The following EML3 variants were observed in gnomAD, a reference collection of about 807,000 sequenced individuals.
The protein encoded by EML3 is echinoderm microtubule-associated protein-like 3.
EML3 carries 53 observed loss-of-function variants against 106.7 expected under a neutral mutation model. That is an observed-to-expected ratio of 0.50 (90% CI 0.40 to 0.62). EML3 has a LOEUF of 0.62. Ranked by LOEUF, EML3 falls within the 20% of genes least tolerant of loss-of-function variation. The pLI, the probability that EML3 is intolerant of heterozygous loss-of-function variation, is 0.00. For synonymous variants in EML3, 499 were observed against 489.6 expected, an observed-to-expected ratio of 1.02 and a Z score of -0.25; for missense variants, 994 against 1,209.1, an observed-to-expected ratio of 0.82 and a Z score of 2.64.
chr11:62,608,326 G>C, intron 9 of EML3, 30 bp from the exon 10 acceptor site: 1 of 1,600,580 alleles, frequency 6.2e-7, no homozygotes, highest in Non-Finnish European at 8.6e-7. Flanking sequence ...AGGAGGTGCA[G>C]AGTGAACCCT....
chr11:62,609,355 C>A lies in EML3; in HGVS notation c.757G>T (p.Val253Phe). Residue 253 changes from valine to phenylalanine, a missense_variant and splice_region_variant, in exon 6 of 22, where the codon GTT becomes TTT. Coordinates refer to ENST00000394773, the MANE Select transcript of EML3 (RefSeq NM_153265.3). The part of the protein sequence containing the change: ...PPPETLSLDW[V>F]YGYRGRDSRS... ...ATGGGACTGGAAGGGGCAGGATACA[C>A]CCAGTCAAGGCTGAGGGTCTCTGGC... 2 of 1,570,236 alleles carry A rather than the reference C, an allele frequency of 1.3e-6. No homozygotes were observed. The highest frequency in any genetic ancestry group is 1.7e-6 in the Non-Finnish European group (2 of 1,158,138).
In EML3 at chr11:62,612,639, G is replaced by A. The variant is rs1590767014; in HGVS notation, c.-182C>T. The A allele has an allele frequency of 6.0e-6, 3 of 502,524 alleles. No individual in the cohort carries two copies. The highest frequency in any genetic ancestry group is 7.6e-5 in the East Asian group (2 of 26,208). 31.1% of individuals were successfully genotyped at this position (502,524 alleles called of 1,614,324 possible). On this transcript the variant is annotated 5_prime_UTR_variant, in exon 1 of 22. Coordinates refer to ENST00000394773, the MANE Select transcript of EML3 (RefSeq NM_153265.3). The stretch of plus-strand genomic sequence containing the variant: ...CTGGAGGGGGCGCTGTGGGCCCGGG[G>A]CCGCAGTCTCCAGACCCCCCCGGGC...
At position 62,611,113 on chromosome 11, in the gene EML3, G is replaced by A; in HGVS notation, c.426C>T (p.Pro142=). 1.3e-6 allele frequency: 2 copies of A among 1,597,464 alleles called. No homozygotes were observed. The highest frequency in any genetic ancestry group is 1.3e-5 in the African/African-American group (1 of 74,968). The part of the protein sequence containing the change: ...GSPGPPGILR[P]LQPPQRADTP... The stretch of plus-strand genomic sequence containing the variant: ...TGTCAGCACGCTGTGGGGGCTGCAA[G>A]GGCCTGAGGATCCCCGGGGGGCCAG... Residue 142 remains proline, a synonymous_variant, in exon 3 of 22, where the codon CCC becomes CCT. Transcript: ENST00000394773.
Position 62,605,237 on chromosome 11 carries a change from G to T in EML3, c.1915-57C>A. The T allele has an allele frequency of 6.4e-7, 1 of 1,570,292 alleles. No individual in the cohort carries two copies. The highest frequency in any genetic ancestry group is 8.7e-7 in the Non-Finnish European group (1 of 1,150,332). ...ATGTCTTTCTAGTGAGGGAACCAGAGTGAACCCCTTGTCCTCCTAACTTCA... is the reference window on the plus strand; with the variant it reads ...ATGTCTTTCTAGTGAGGGAACCAGATTGAACCCCTTGTCCTCCTAACTTCA... On this transcript the variant is annotated intron_variant, in intron 15 of 21. Transcript: ENST00000394773. The surrounding 1 kb of genome is among the most constrained non-coding windows in gnomAD (Gnocchi z 5.2).
At chr11:62,611,748 G>A in intron 1 of EML3, 152 bp from the exon 2 acceptor site, 3 of 873,346 alleles carry the variant, frequency 3.4e-6, no homozygotes, top group East Asian at 2.7e-5. Flanking sequence ...GGGAGGAGAC[G>A]GTGGTAAAGG....
Position 62,609,136 on chromosome 11 carries a change from G to T in EML3, c.759-4C>A, listed in dbSNP as rs1291277390. 6.2e-7 allele frequency: 1 copy of T among 1,613,810 alleles called. No homozygotes were observed. The stretch of plus-strand genomic sequence containing the variant: ...GTCACGACCCCTGTACCCATAACTG[G>T]GGTGGAGATCACGGTCAAGGAAAGG... On this transcript the variant is annotated splice_region_variant and splice_polypyrimidine_tract_variant and intron_variant, in intron 6 of 21. Transcript: ENST00000394773.
At position 62,608,775 on chromosome 11, in the gene EML3, T is replaced by C; in HGVS notation, c.960A>G (p.Val320=). Residue 320 remains valine (V), a synonymous_variant, in exon 8 of 22, where the codon GTA becomes GTG. Coordinates refer to ENST00000394773, the MANE Select transcript of EML3 (RefSeq NM_153265.3). The part of the protein sequence containing the change: ...CLAVHPDGVR[V]ASGQTAGVDK... ...CCACTCCAGCTGTCTGTCCCGAGGCTACCCGAACACCATCAGGGTGAACAG... is the reference window on the plus strand; with the variant it reads ...CCACTCCAGCTGTCTGTCCCGAGGCCACCCGAACACCATCAGGGTGAACAG... 6.3e-7 allele frequency: 1 copy of C among 1,587,728 alleles called. No homozygotes were observed. The highest frequency in any genetic ancestry group is 8.6e-7 in the Non-Finnish European group (1 of 1,165,146).
intron 3 of EML3, 28 bp downstream of exon 3, chr11:62,611,059 T>G: frequency 6.2e-7 from 1 of 1,602,832 alleles, no homozygotes; most frequent in Non-Finnish European, 8.5e-7. Context: ...CCCTCCCAGC[T>G]TCCGCCACAG....
At position 62,611,612 on chromosome 11, in the gene EML3, G is replaced by C; in HGVS notation, c.23-16C>G. On this transcript the variant is annotated splice_polypyrimidine_tract_variant and intron_variant, in intron 1 of 21. Transcript: ENST00000394773. ...GGGCCGTCACCTGGGAAAAGGGCAA[G>C]AGGTACTCAGAATGTACCCATCACC... 1 of 1,608,878 alleles carries C rather than the reference G, an allele frequency of 6.2e-7. No individual in the cohort carries two copies. Among genetic ancestry groups the C allele is most frequent in the Non-Finnish European group, 8.5e-7 (1 of 1,178,112 alleles).
rs753899113 is a variant in EML3 at position 62,605,697 on chromosome 11, T to A, written c.1859A>T (p.Gln620Leu). 9 of 1,597,618 alleles carry A rather than the reference T, an allele frequency of 5.6e-6. No individual in the cohort carries two copies. The African/African-American group carries it at 6.7e-5, about 12-fold the overall frequency. Residue 620 changes from glutamine (Q) to leucine (L), a missense_variant, in exon 15 of 22, where the codon CAG becomes CTG. Transcript: ENST00000394773. The surrounding 1 kb of genome is among the most constrained non-coding windows in gnomAD (Gnocchi z 5.2). ...NRFLTCGHDRQLCLWDGESHA... is the reference protein window; with the variant it reads ...NRFLTCGHDRLLCLWDGESHA... ...GCTCTCCCCATCCCACAGGCAGAGCTGCCGGTCGTGGCCGCAGGTGAGGAA... is the reference window on the plus strand; with the variant it reads ...GCTCTCCCCATCCCACAGGCAGAGCAGCCGGTCGTGGCCGCAGGTGAGGAA...
rs1284800600 is a variant in EML3 at position 62,602,441 on chromosome 11, C to T, written c.*34G>A. The T allele has an allele frequency of 3.9e-6, 6 of 1,544,426 alleles. No individual in the cohort carries two copies. In the African/African-American group the frequency reaches 6.9e-5, roughly 18 times the overall value. On this transcript the variant is annotated 3_prime_UTR_variant, in exon 22 of 22. Transcript: ENST00000394773. ...GGAAGGGCAGGGCGGGGCGGGGCCA[C>T]GCCGCCGGGCCAGTCGGTCCCGCCA...
chr11:62,609,996 C>T (rs1358826270), intron 4 of EML3, among the ~76,000 whole-genome samples: 2 of 152,208 alleles, frequency 1.3e-5, no homozygotes, highest in African/African-American at 2.4e-5. Flanking sequence ...CTCGCTCTGT[C>T]GCCCAGGCTG....
In EML3 at chr11:62,603,958, A is replaced by G. The variant is rs1434464118; in HGVS notation, c.2155T>C (p.Phe719Leu). The G allele has an allele frequency of 1.9e-6, 3 of 1,614,110 alleles. No individual in the cohort carries two copies. Among genetic ancestry groups the G allele is most frequent in the Non-Finnish European group, 1.7e-6 (2 of 1,180,036 alleles). The change falls in exon 18 of 22, where the codon TTT becomes CTT. Residue 719 changes from phenylalanine to leucine, a missense_variant. By Grantham distance (22) the Phe-to-Leu change is conservative. Coordinates refer to ENST00000394773, the MANE Select transcript of EML3 (RefSeq NM_153265.3). The part of the protein sequence containing the change: ...VSSDGAKSSR[F>L]GRCMGHSSFI... Reference sequence around the variant, plus strand: ...AACTTCCTCACCATACAGCGGCCAAAGCGGCTGGATTTGGCACCATCACTG... The same window carrying G: ...AACTTCCTCACCATACAGCGGCCAAGGCGGCTGGATTTGGCACCATCACTG...
At chr11:62,604,336 A>G in intron 16 of EML3, 135 bp from the exon 17 acceptor site, 1 of 680,558 alleles carries the variant, frequency 1.5e-6, no homozygotes, top group Non-Finnish European at 2.6e-6. Context: ...AAAGGCTCTG[A>G]TGTAGAAGAC....
Position 62,602,470 on chromosome 11 carries a change from A to G in EML3, c.*5T>C. The G allele has an allele frequency of 6.5e-7, 1 of 1,541,628 alleles. No individual in the cohort carries two copies. Among genetic ancestry groups the G allele is most frequent in the Non-Finnish European group, 8.8e-7 (1 of 1,141,604 alleles). ...GCCGGGCCAGTCGGTCCCGCCAGGC[A>G]GCGATCAAACGTCGAGGGAGGAGGC... is the stretch of plus-strand genomic sequence containing the variant. On this transcript the variant is annotated 3_prime_UTR_variant, in exon 22 of 22. Coordinates refer to ENST00000394773, the MANE Select transcript of EML3 (RefSeq NM_153265.3).
intron 12 of EML3, among the ~76,000 whole-genome samples, chr11:62,606,717 C>T (rs548507058): frequency 2.8e-4 from 43 of 152,278 alleles, no homozygotes; most frequent in East Asian, 2.7e-3. Flanking sequence ...ATTAGCTGGG[C>T]GTGGTGGCGT....
Position 62,604,004 on chromosome 11 carries a change from C to T in EML3, c.2109G>A (p.Val703=). The T allele has an allele frequency of 6.2e-7, 1 of 1,614,130 alleles. No individual in the cohort carries two copies. The highest frequency in any genetic ancestry group is 1.1e-5 in the South Asian group (1 of 91,078). ...CACTGGAAACACTATAGATGTAGAT[C>T]ACGTTGTCATGGGAACCAATGGCCA... The part of the protein sequence containing the change: ...LYLAIGSHDN[V]IYIYSVSSDG... Residue 703 remains valine, a synonymous_variant, in exon 18 of 22, where the codon GTG becomes GTA. Coordinates refer to ENST00000394773, the MANE Select transcript of EML3 (RefSeq NM_153265.3).
At chr11:62,608,494 G>C in intron 9 of EML3, 48 bp downstream of exon 9, 1 of 1,562,482 alleles carries the variant, frequency 6.4e-7, no homozygotes, top group Non-Finnish European at 8.8e-7. Flanking sequence ...TGCAAGAGTG[G>C]GGTTCCTAGG....
chr11:62,602,614 T>A lies in EML3; in HGVS notation c.2552A>T (p.Asp851Val). 6.4e-7 allele frequency: 1 copy of A among 1,572,796 alleles called. No homozygotes were observed. The highest frequency in any genetic ancestry group is 2.4e-5 in the East Asian group (1 of 42,524). ...HVTSVRFTHDDSHLVSLGGKD... is the reference protein window; with the variant it reads ...HVTSVRFTHDVSHLVSLGGKD... ...GCCGCCCAGCGAGACGAGGTGCGAG[T>A]CGTCGTGCGTGAATCGGACGCTGGT... The change falls in exon 22 of 22, where the codon GAC (aspartate) becomes GTC (valine). Residue 851 changes from aspartate (D) to valine (V), a missense_variant. Around this residue, in one of 3 missense-constraint regions of EML3, gnomAD observed 713 missense variants for 920.5 expected, o/e 0.77. Transcript: ENST00000394773.
Sources: gnomAD v4.1 joint callset for allele counts (sites outside exome capture counted in the v4.1 genomes callset) on GRCh38, gnomAD v4.1.1 for gene constraint, gnomAD v4.1.1 regional missense constraint, Gnocchi (gnomAD v3.1) non-coding constraint, MANE v1.5 for transcripts, NCBI Gene and HGNC (gene_info 2026-07-23, HGNC 2026-07-21) for gene names.